The following GAS2L3 variants were observed in gnomAD, a reference collection of about 807,000 sequenced individuals.
GAS2L3 encodes GAS2-like protein 3.
In GAS2L3, 28 loss-of-function variants were observed where a neutral mutation model predicts 37.0. The observed-to-expected ratio is 0.76, with a 90% CI of 0.56 to 1.04. GAS2L3 has a LOEUF of 1.04. Ranked by LOEUF, GAS2L3 falls within the 50% of genes least tolerant of loss-of-function variation. The probability of loss-of-function intolerance (pLI) is 0.00; values close to 1 mark genes in which losing one functional copy is unlikely to be tolerated. For synonymous variants in GAS2L3, 290 were observed against 296.6 expected, an observed-to-expected ratio of 0.98 and a Z score of 0.23; for missense variants, 793 against 817.6, an observed-to-expected ratio of 0.97 and a Z score of 0.37.
intron 5 of GAS2L3, among the ~76,000 whole-genome samples, chr12:100,601,979 T>C (rs1207818840): frequency 1.3e-5 from 2 of 152,154 alleles, no homozygotes; most frequent in African/African-American, 2.4e-5. Flanking sequence ...ATGTTCTCTT[T>C]CATAAAATGA....
At chr12:100,618,711 C>G in intron 8 of GAS2L3, 124 bp downstream of exon 8, 1 of 833,418 alleles carries the variant, frequency 1.2e-6, no homozygotes, top group South Asian at 2.0e-5. Flanking sequence ...GAATATAAAC[C>G]GGTACTATTC....
At position 100,625,979 on chromosome 12, in the gene GAS2L3, G is replaced by T. The variant is rs908095147; in HGVS notation, c.*1089G>T. 6.6e-6 allele frequency: 1 copy of T among 152,118 alleles called. No homozygotes were observed. Among genetic ancestry groups the T allele is most frequent in the East Asian group, 1.9e-4 (1 of 5,198 alleles). The allele number at this position is 152,118 out of a possible 1,614,324, so 9.4% of individuals were successfully genotyped here. On this transcript the variant is annotated 3_prime_UTR_variant, in exon 10 of 10. Transcript: ENST00000547754. The stretch of plus-strand genomic sequence containing the variant: ...GGCAAGTAGACAGGATATGTTCAAG[G>T]TTTTCTGCACTGTAGGCACAGTCTC...
rs1955694299 is a variant in GAS2L3 at position 100,580,262 on chromosome 12, C to T, written c.-152+6477C>T. On this transcript the variant is annotated intron_variant, in intron 1 of 9. Coordinates refer to ENST00000547754, the MANE Select transcript of GAS2L3 (RefSeq NM_174942.3). ...GTTGTATTAAGACTATGGAAAATAA[C>T]CTGCTTTTTGGGGGCTTGTGTTTTT... The T allele has an allele frequency of 1.3e-5, 6 of 463,530 alleles. No individual in the cohort carries two copies. The East Asian group carries it at 1.9e-4, about 15-fold the overall frequency. 28.7% of individuals were successfully genotyped at this position (463,530 alleles called of 1,614,324 possible). A position where few individuals can be genotyped will look rare whatever the true frequency, so the allele number is the denominator to read the frequency against.
At chr12:100,621,047 A>C (rs901348740) in intron 8 of GAS2L3, among the ~76,000 whole-genome samples, 2 of 152,062 alleles carry the variant, frequency 1.3e-5, no homozygotes, top group East Asian at 3.8e-4. Flanking sequence ...TAAGTTCTGG[A>C]CCTTTCCTTT....
At chr12:100,595,397 G>C (rs569215905) in intron 3 of GAS2L3, among the ~76,000 whole-genome samples, 2 of 150,522 alleles carry the variant, frequency 1.3e-5, no homozygotes, top group East Asian at 3.9e-4. Flanking sequence ...TTAAAGAGTG[G>C]GTTTTTTTTT....
intron 7 of GAS2L3, among the ~76,000 whole-genome samples, 200 bp downstream of exon 7, chr12:100,618,007 C>T (rs1006250938): frequency 1.3e-5 from 2 of 152,110 alleles, no homozygotes; most frequent in Non-Finnish European, 2.9e-5. Flanking sequence ...TATAGCTTGT[C>T]TTCTTTTACT....
At chr12:100,589,999 T>C (rs1401393734) in intron 1 of GAS2L3, among the ~76,000 whole-genome samples, 1 of 152,192 alleles carries the variant, frequency 6.6e-6, no homozygotes, top group African/African-American at 2.4e-5. Context: ...GACATGGGCT[T>C]AGGCAAGGAT....
Position 100,594,893 on chromosome 12 carries a change from A to G in GAS2L3, c.-12A>G, listed in dbSNP as rs561291023. ...TTTTCAGAAAAGAAATTTCATTTCA[A>G]TATAGGTGACTATGCAGCCTGCAAT... On this transcript the variant is annotated 5_prime_UTR_variant, in exon 3 of 10. Transcript: ENST00000547754. 6.3e-5 allele frequency: 85 copies of G among 1,340,270 alleles called. 3 individuals are homozygous for G. In the South Asian group the frequency reaches 1.2e-3, roughly 19 times the overall value. 83.0% of individuals were successfully genotyped at this position (1,340,270 alleles called of 1,614,324 possible).
intron 1 of GAS2L3, among the ~76,000 whole-genome samples, chr12:100,575,404 A>G (rs1186240112): frequency 6.6e-6 from 1 of 151,618 alleles, no homozygotes; most frequent in African/African-American, 2.4e-5. Flanking sequence ...ATTATATATC[A>G]GGTATTGTGT....
At chr12:100,602,820 A>C (rs1956009399) in intron 5 of GAS2L3, among the ~76,000 whole-genome samples, 2 of 152,126 alleles carry the variant, frequency 1.3e-5, no homozygotes, top group South Asian at 4.2e-4. Flanking sequence ...AGCCTCTGCT[A>C]ACCGTCCTTC....
chr12:100,585,509 C>A (rs890845989), intron 1 of GAS2L3, among the ~76,000 whole-genome samples: 1 of 152,146 alleles, frequency 6.6e-6, no homozygotes, highest in East Asian at 1.9e-4. Flanking sequence ...CCACCTTGGC[C>A]TCCCAAAGTG....
At chr12:100,620,375 T>G (rs1696833732) in intron 8 of GAS2L3, among the ~76,000 whole-genome samples, 1 of 152,024 alleles carries the variant, frequency 6.6e-6, no homozygotes, top group East Asian at 1.9e-4. Flanking sequence ...AGATTATTTT[T>G]ATTTCCTTAG....
intron 1 of GAS2L3, chr12:100,579,936 G>T: frequency 1.3e-6 from 1 of 775,448 alleles, no homozygotes; most frequent in South Asian, 1.4e-5. Context: ...AAAAGCGTAT[G>T]ACCAAGTATC....
intron 3 of GAS2L3, among the ~76,000 whole-genome samples, chr12:100,596,919 G>T (rs1257955489): frequency 3.3e-5 from 5 of 151,964 alleles, no homozygotes; most frequent in Admixed American, 2.6e-4. Context: ...ATCTCTTAAT[G>T]ACAATATGAC....
rs377020143 is a variant in GAS2L3 at position 100,603,723 on chromosome 12, G to A, written c.303+1970G>A. Among the ~76,000 whole-genome samples, 58 of 152,228 alleles carry A rather than the reference G, an allele frequency of 3.8e-4. 1 individual carries two copies. The highest frequency in any genetic ancestry group is 1.3e-3 in the African/African-American group (56 of 41,566). ...TTTGCCCAGACCAATATCCTGGAGA[G>A]TTTTCCCAATGTTTTCTTGTAGCAG... On this transcript the variant is annotated intron_variant, in intron 5 of 9. Transcript: ENST00000547754.
chr12:100,581,355 GT>G (rs1955709566), intron 1 of GAS2L3, among the ~76,000 whole-genome samples: 1 of 152,112 alleles, frequency 6.6e-6, no homozygotes, highest in African/African-American at 2.4e-5. Context: ...AGAGCCATGG[GT>G]TTTTTAACCC....
At position 100,622,375 on chromosome 12, in the gene GAS2L3, TTATAAG is replaced by T. The variant is rs746488996; in HGVS notation, c.750_755del (p.Phe250_Arg252delinsLeu). 4 of 1,467,706 alleles carry T rather than the reference TTATAAG, an allele frequency of 2.7e-6. No individual in the cohort carries two copies. Among genetic ancestry groups the T allele is most frequent in the Non-Finnish European group, 3.8e-6 (4 of 1,052,258 alleles). The allele number at this position is 1,467,706 out of a possible 1,614,324, so 90.9% of individuals were successfully genotyped here. ...TACCGACTAGGGGATAAAATACTCT[TTATAAG>T]AGTAAGTCCATTATTTACACTTTAT... On this transcript the variant is annotated inframe_deletion and splice_region_variant, in exon 9 of 10. Coordinates refer to ENST00000547754, the MANE Select transcript of GAS2L3 (RefSeq NM_174942.3).
intron 5 of GAS2L3, among the ~76,000 whole-genome samples, chr12:100,603,372 G>A (rs367821265): frequency 2.6e-5 from 4 of 152,138 alleles, no homozygotes; most frequent in African/African-American, 9.6e-5. Flanking sequence ...GTTTTGATTT[G>A]CATTTCTCTG....
Position 100,627,097 on chromosome 12 carries a change from AAAAAAAG to A in GAS2L3, c.*2213_*2219del, listed in dbSNP as rs1956339738. 6.6e-6 allele frequency among the ~76,000 whole-genome samples: 1 copy of A among 151,784 alleles called. No individual in the cohort carries two copies. The highest frequency in any genetic ancestry group is 1.5e-5 in the Non-Finnish European group (1 of 67,922). On this transcript the variant is annotated 3_prime_UTR_variant, in exon 10 of 10. Coordinates refer to ENST00000547754, the MANE Select transcript of GAS2L3 (RefSeq NM_174942.3). ...GAGTGAGACTCTGTCTCAAAAAAAA[AAAAAAAG>A]AAAAAGAAAAGAAAAAGGTTTATTT...
Sources: gnomAD v4.1 joint callset for allele counts (sites outside exome capture counted in the v4.1 genomes callset) on GRCh38, gnomAD v4.1.1 for gene constraint, MANE v1.5 for transcripts, NCBI Gene and HGNC (gene_info 2026-07-23, HGNC 2026-07-21) for gene names.